LHFPL3: variants seen among roughly 807,000 people sequenced by gnomAD.
The protein encoded by LHFPL3 is LHFPL tetraspan subfamily member 3, also known as LHFPL tetraspan subfamily member 3 protein.
LHFPL3 carries 5 observed loss-of-function variants against 19.3 expected under a neutral mutation model. The ratio of observed to expected loss-of-function variants is 0.26; its 90% CI spans 0.14 to 0.54. The LOEUF (loss-of-function observed/expected upper bound fraction) is 0.54, where lower values mean the gene tolerates loss of function less well. LHFPL3 is among the 20% of genes least tolerant of loss of function. The probability of loss-of-function intolerance (pLI) is 0.94; values close to 1 mark genes in which losing one functional copy is unlikely to be tolerated. For missense variants in LHFPL3, 249 were observed against 307.4 expected (o/e 0.81, Z 1.42); for synonymous variants, 133 against 126.2 (o/e 1.05, Z -0.36).
At chr7:104,344,212 A>G (rs1790020034) in intron 1 of LHFPL3, among the ~76,000 whole-genome samples, 1 of 152,110 alleles carries the variant, frequency 6.6e-6, no homozygotes. Flanking sequence ...AATGAAGCCA[A>G]CTTTGCCATA....
At chr7:104,705,318 T>C (rs1793171455) in intron 1 of LHFPL3, among the ~76,000 whole-genome samples, 1 of 152,200 alleles carries the variant, frequency 6.6e-6, no homozygotes, top group Admixed American at 6.5e-5. Flanking sequence ...ATATCTTGTC[T>C]TTTTCCTCAT....
At chr7:104,338,813 C>T (rs1318080976) in intron 1 of LHFPL3, among the ~76,000 whole-genome samples, 1 of 152,110 alleles carries the variant, frequency 6.6e-6, no homozygotes, top group African/African-American at 2.4e-5. Flanking sequence ...TGACATGGCC[C>T]ACCTCTGAGA....
chr7:104,714,047 CAT>C (rs1160285820), intron 1 of LHFPL3, among the ~76,000 whole-genome samples: 1 of 152,212 alleles, frequency 6.6e-6, no homozygotes, highest in Admixed American at 6.5e-5. Context: ...TCTGATCACG[CAT>C]TGTTCTTCTT....
At chr7:104,341,407 C>T (rs1789949940) in intron 1 of LHFPL3, among the ~76,000 whole-genome samples, 1 of 152,218 alleles carries the variant, frequency 6.6e-6, no homozygotes, top group Admixed American at 6.5e-5. Context: ...TTTGCTATGA[C>T]TACATCTATG....
intron 2 of LHFPL3, among the ~76,000 whole-genome samples, chr7:104,812,840 G>A (rs991999007): frequency 3.7e-5 from 5 of 133,518 alleles, no homozygotes; most frequent in East Asian, 2.3e-4. Flanking sequence ...AAGGCCAGGC[G>A]CAGTGGCTCA....
chr7:104,681,234 A>G (rs1172459162), intron 1 of LHFPL3, among the ~76,000 whole-genome samples: 1 of 149,766 alleles, frequency 6.7e-6, no homozygotes, highest in Non-Finnish European at 1.5e-5. Flanking sequence ...TGTAAGGCAC[A>G]TGAGGACAGG....
At chr7:104,716,555 G>A (rs565146619) in intron 1 of LHFPL3, among the ~76,000 whole-genome samples, 91 of 152,096 alleles carry the variant, frequency 6.0e-4, no homozygotes, top group African/African-American at 2.1e-3. Context: ...AAGGAAATTA[G>A]GAAGACAATC....
intron 1 of LHFPL3, among the ~76,000 whole-genome samples, chr7:104,409,031 ATTT>A (rs11336631): frequency 6.9e-4 from 89 of 128,628 alleles, no homozygotes; most frequent in African/African-American, 2.2e-3. Context: ...CGCCCGGCTA[ATTT>A]TTTTTTTTTT....
chr7:104,749,706 A>C (rs1233964195), intron 2 of LHFPL3, among the ~76,000 whole-genome samples: 3 of 152,282 alleles, frequency 2.0e-5, no homozygotes, highest in Non-Finnish European at 4.4e-5. Context: ...GGAGAATTCC[A>C]AGGCGAGAAT....
intron 1 of LHFPL3, among the ~76,000 whole-genome samples, chr7:104,697,067 G>A (rs1793011299): frequency 6.6e-6 from 1 of 152,124 alleles, no homozygotes; most frequent in Non-Finnish European, 1.5e-5. Context: ...GGGTGAGAGA[G>A]CTCTCCAGAG....
At chr7:104,742,229 T>C (rs1234107754) in intron 2 of LHFPL3, among the ~76,000 whole-genome samples, 1 of 152,196 alleles carries the variant, frequency 6.6e-6, no homozygotes, top group Admixed American at 6.5e-5. Flanking sequence ...TCAGACACCA[T>C]TCATAAAGAG....
chr7:104,649,214 ACACTT>A (rs1791984833), intron 1 of LHFPL3, among the ~76,000 whole-genome samples: 1 of 152,236 alleles, frequency 6.6e-6, no homozygotes, highest in African/African-American at 2.4e-5. Context: ...GAATGACAAA[ACACTT>A]CACAGACACC....
At chr7:104,604,705 AG>A (rs1383602711) in intron 1 of LHFPL3, among the ~76,000 whole-genome samples, 2 of 152,268 alleles carry the variant, frequency 1.3e-5, no homozygotes, top group African/African-American at 4.8e-5. Context: ...AAGCTCCTCC[AG>A]GATAATAGAA....
chr7:104,397,567 G>C (rs900013228), intron 1 of LHFPL3, among the ~76,000 whole-genome samples: 3 of 151,994 alleles, frequency 2.0e-5, no homozygotes, highest in Admixed American at 2.0e-4. Flanking sequence ...AGTTTCCCCC[G>C]GGGGACGGCA....
rs1173940123 is a variant in LHFPL3 at position 104,561,100 on chromosome 7, C to A, written c.446-175575C>A. Among the ~76,000 whole-genome samples, 7 of 151,952 alleles carry A rather than the reference C, an allele frequency of 4.6e-5. No individual in the cohort carries two copies. In the South Asian group the frequency reaches 8.3e-4, roughly 18 times the overall value. ...ATTTCCTGAGGAGAGCTTTACTTCC[C>A]AGTATGTGGTCAATTTTGGAATAGG... On this transcript the variant is annotated intron_variant, in intron 1 of 2. Transcript: ENST00000424859.
At chr7:104,659,971 C>G (rs77043238) in intron 1 of LHFPL3, among the ~76,000 whole-genome samples, 1 of 150,710 alleles carries the variant, frequency 6.6e-6, no homozygotes, top group African/African-American at 2.4e-5. Flanking sequence ...CAAATTGATG[C>G]CTTCCTAGCC....
At chr7:104,599,342 T>G (rs1790921794) in intron 1 of LHFPL3, among the ~76,000 whole-genome samples, 1 of 152,178 alleles carries the variant, frequency 6.6e-6, no homozygotes, top group Non-Finnish European at 1.5e-5. Context: ...TTTTCATTGG[T>G]TTTCAAGTTC....
intron 1 of LHFPL3, among the ~76,000 whole-genome samples, chr7:104,542,809 C>A (rs974798550): frequency 6.6e-6 from 1 of 152,136 alleles, no homozygotes; most frequent in Non-Finnish European, 1.5e-5. Flanking sequence ...TGAGTATATA[C>A]CCAAAGGATT....
At chr7:104,626,813 C>T (rs1407051210) in intron 1 of LHFPL3, among the ~76,000 whole-genome samples, 1 of 152,088 alleles carries the variant, frequency 6.6e-6, no homozygotes, top group African/African-American at 2.4e-5. Flanking sequence ...ACTATATTTC[C>T]ATGTGCTGCT....
Sources: allele counts gnomAD v4.1 joint callset (sites outside exome capture counted in the v4.1 genomes callset), GRCh38; gene constraint gnomAD v4.1.1; transcripts MANE v1.5; gene names NCBI Gene and HGNC (gene_info 2026-07-23, HGNC 2026-07-21).